Variants in MAML3 observed in about 807,000 individuals in gnomAD.
MAML3 encodes mastermind-like protein 3.
In MAML3, 27 loss-of-function variants were observed where a neutral mutation model predicts 101.9. That is an observed-to-expected ratio of 0.27 (90% CI 0.20 to 0.37). MAML3 has a LOEUF of 0.37. Among genes scored for constraint, MAML3 ranks in the 10% least tolerant of loss-of-function variants. The probability of loss-of-function intolerance (pLI) is 1.00; values close to 1 mark genes in which losing one functional copy is unlikely to be tolerated. For synonymous variants in MAML3, 501 were observed against 555.9 expected (o/e 0.90, Z 1.39); for missense variants, 1,316 against 1,444.9 (o/e 0.91, Z 1.45).
intron 2 of MAML3, among the ~76,000 whole-genome samples, chr4:139,828,475 A>G (rs957022741): frequency 1.3e-5 from 2 of 152,252 alleles, no homozygotes; most frequent in Admixed American, 1.3e-4. Flanking sequence ...CTGTACAGAT[A>G]TCACATACAC....
intron 1 of MAML3, among the ~76,000 whole-genome samples, chr4:139,981,315 A>G (rs959045352): frequency 6.6e-6 from 1 of 152,176 alleles, no homozygotes; most frequent in Non-Finnish European, 1.5e-5. Flanking sequence ...TTTTAACTTA[A>G]TCACCTCTTT....
At chr4:140,024,090 T>A (rs1187909122) in intron 1 of MAML3, among the ~76,000 whole-genome samples, 1 of 150,712 alleles carries the variant, frequency 6.6e-6, no homozygotes, top group Non-Finnish European at 1.5e-5. Flanking sequence ...TGTGTATCAA[T>A]CTTAACAACC....
Position 139,889,731 on chromosome 4 carries a change from AGTT to A in MAML3, c.1702_1704del (p.Asn568del), listed in dbSNP as rs1429691291. On this transcript the variant is annotated inframe_deletion, in exon 2 of 5. Transcript: ENST00000509479. ...ATATTCATGTGATTCTGAGGGAGGT[AGTT>A]ATTCATTGTTGTCTTCTGCAGGTTG... 6.2e-7 allele frequency: 1 copy of A among 1,613,958 alleles called. No homozygotes were observed. The highest frequency in any genetic ancestry group is 1.7e-5 in the Admixed American group (1 of 60,014).
At position 140,153,740 on chromosome 4, in the gene MAML3, A is replaced by C; in HGVS notation, c.-413T>G. The C allele has an allele frequency of 5.6e-6, 1 of 178,662 alleles. No homozygotes were observed. Among genetic ancestry groups the C allele is most frequent in the Non-Finnish European group, 1.2e-5 (1 of 85,452 alleles). 11.1% of individuals were successfully genotyped at this position (178,662 alleles called of 1,614,324 possible). A position where few individuals can be genotyped will look rare whatever the true frequency, so the allele number is the denominator to read the frequency against. On this transcript the variant is annotated 5_prime_UTR_variant, in exon 1 of 5. Transcript: ENST00000509479. ...GTTGGCAAGCATTTTCTCCCTACAT[A>C]CCGAAAAACACACCCCATGTACACA...
At chr4:139,900,154 T>G (rs11100349) in intron 1 of MAML3, among the ~76,000 whole-genome samples, 129,317 of 152,042 alleles carry the variant, frequency 0.85, 55,385 homozygotes, top group South Asian at 0.92. Flanking sequence ...TCTGCTATGG[T>G]TCACATTTAA....
chr4:139,847,697 T>C (rs867006954), intron 2 of MAML3, among the ~76,000 whole-genome samples: 6 of 152,328 alleles, frequency 3.9e-5, no homozygotes, highest in South Asian at 4.1e-4. Context: ...ACCAAATTCA[T>C]GGTAATGGAA....
chr4:139,786,454 T>G (rs1193343474), intron 2 of MAML3, among the ~76,000 whole-genome samples: 1 of 152,146 alleles, frequency 6.6e-6, no homozygotes, highest in South Asian at 2.1e-4. Context: ...TCAGCCCAGA[T>G]GCTAATTTCA....
At chr4:140,031,305 T>G (rs1726903794) in intron 1 of MAML3, among the ~76,000 whole-genome samples, 1 of 152,224 alleles carries the variant, frequency 6.6e-6, no homozygotes, top group Non-Finnish European at 1.5e-5. Context: ...CGTTGGACCT[T>G]CGGCTCTCCT....
intron 2 of MAML3, among the ~76,000 whole-genome samples, chr4:139,856,766 G>A (rs1731670473): frequency 6.6e-6 from 1 of 152,148 alleles, no homozygotes; most frequent in African/African-American, 2.4e-5. Context: ...TGCACCAAAA[G>A]AAAGTACATC....
At chr4:139,893,875 G>A (rs1019553883) in intron 1 of MAML3, among the ~76,000 whole-genome samples, 1 of 152,184 alleles carries the variant, frequency 6.6e-6, no homozygotes, top group Non-Finnish European at 1.5e-5. Context: ...AGCTACTGGG[G>A]AGATGCTTGC....
At chr4:139,947,778 T>A (rs1733756948) in intron 1 of MAML3, among the ~76,000 whole-genome samples, 1 of 152,138 alleles carries the variant, frequency 6.6e-6, no homozygotes. Flanking sequence ...ATAACTAGTA[T>A]TATTCTCAAT....
At chr4:139,942,800 C>T (rs554010283) in intron 1 of MAML3, among the ~76,000 whole-genome samples, 3 of 152,148 alleles carry the variant, frequency 2.0e-5, no homozygotes, top group Middle Eastern at 3.4e-3. Flanking sequence ...TGATTTGGTC[C>T]TTTTATTCCC....
At chr4:140,092,106 A>ATATATATACGTATATATATATATATACG (rs1560890872) in intron 1 of MAML3, among the ~76,000 whole-genome samples, 7 of 128,710 alleles carry the variant, frequency 5.4e-5, no homozygotes, top group African/African-American at 2.3e-4. Flanking sequence ...ATATATACGT[A>ATATATATACGTATATATATATATATACG]TATATATATA....
Position 139,930,368 on chromosome 4 carries a change from C to T in MAML3, c.469-39401G>A, listed in dbSNP as rs184263529. 5.9e-3 allele frequency among the ~76,000 whole-genome samples: 899 copies of T among 152,150 alleles called. 4 individuals are homozygous for T. The highest frequency in any genetic ancestry group is 0.01 in the Non-Finnish European group (686 of 68,002). On this transcript the variant is annotated intron_variant, in intron 1 of 4. Coordinates refer to ENST00000509479, the MANE Select transcript of MAML3 (RefSeq NM_018717.5). ...CACAAAGGTGCGGATGAAGACCGTT[C>T]GCTGGGCTTCACTAGTACAAAGACA...
intron 2 of MAML3, among the ~76,000 whole-genome samples, chr4:139,874,503 T>C (rs1021405701): frequency 2.6e-5 from 4 of 152,092 alleles, no homozygotes; most frequent in African/African-American, 9.7e-5. Context: ...AATTTTCACA[T>C]ATATATGATA....
intron 1 of MAML3, among the ~76,000 whole-genome samples, chr4:140,098,520 C>T (rs1290167693): frequency 1.3e-5 from 2 of 152,216 alleles, no homozygotes; most frequent in Non-Finnish European, 2.9e-5. Context: ...AGCCAGATTC[C>T]CCCTTTCTTA....
intron 1 of MAML3, among the ~76,000 whole-genome samples, chr4:140,036,207 C>T (rs974737934): frequency 2.0e-5 from 3 of 152,158 alleles, no homozygotes; most frequent in African/African-American, 7.2e-5. Context: ...CCCATTCTGA[C>T]GCAGTATGTA....
At chr4:139,926,325 G>A (rs561752185) in intron 1 of MAML3, among the ~76,000 whole-genome samples, 3 of 152,178 alleles carry the variant, frequency 2.0e-5, no homozygotes, top group East Asian at 3.9e-4. Flanking sequence ...AGGGCCAGGC[G>A]CAGTGGCTCA....
chr4:139,787,939 T>C (rs577841106), intron 2 of MAML3, among the ~76,000 whole-genome samples: 1 of 152,364 alleles, frequency 6.6e-6, no homozygotes, highest in South Asian at 2.1e-4. Context: ...ACTCTCTACT[T>C]TAGGGCTTTT....
Sources: allele counts gnomAD v4.1 joint callset (sites outside exome capture counted in the v4.1 genomes callset), GRCh38; gene constraint gnomAD v4.1.1; transcripts MANE v1.5; gene names NCBI Gene and HGNC (gene_info 2026-07-23, HGNC 2026-07-21).